RASSF3: variants seen among roughly 807,000 people sequenced by gnomAD.
RASSF3 encodes Ras association domain family member 3.
In RASSF3, 19 loss-of-function variants were observed where a neutral mutation model predicts 19.9. That is an observed-to-expected ratio of 0.96 (90% confidence interval 0.67 to 1.40). The LOEUF (loss-of-function observed/expected upper bound fraction) is 1.40. RASSF3 is among the 40% of genes most tolerant of loss of function. The pLI, the probability that RASSF3 is intolerant of heterozygous loss-of-function variation, is 0.00. For missense variants in RASSF3, 306 were observed against 289.8 expected, an observed-to-expected ratio of 1.06 and a Z score of -0.41; for synonymous variants, 110 against 104.2, an observed-to-expected ratio of 1.06 and a Z score of -0.34.
At chr12:64,509,775 C>T (rs1445880215) in intron 1 of RASSF3, among the ~76,000 whole-genome samples, 1 of 152,064 alleles carries the variant, frequency 6.6e-6, no homozygotes, top group East Asian at 1.9e-4. Flanking sequence ...TTTACTTATA[C>T]ACAATATTAT....
chr12:64,694,375 A>G (rs73119794), intron 4 of RASSF3, among the ~76,000 whole-genome samples: 5,348 of 152,282 alleles, frequency 0.035, 138 homozygotes, highest in Non-Finnish European at 0.052. Flanking sequence ...GATAAGACTG[A>G]TTATGCGAGG....
At chr12:64,583,873 T>G (rs776203426) in intron 2 of RASSF3, among the ~76,000 whole-genome samples, 3 of 152,238 alleles carry the variant, frequency 2.0e-5, no homozygotes, top group Non-Finnish European at 4.4e-5. Context: ...GTGACAAATA[T>G]GTTCGGTTTA....
intron 2 of RASSF3, among the ~76,000 whole-genome samples, chr12:64,687,856 A>G (rs1275724069): frequency 1.3e-5 from 2 of 152,068 alleles, no homozygotes; most frequent in Non-Finnish European, 2.9e-5. Context: ...CCAAGCTTTA[A>G]TAAGTTTTGT....
chr12:64,522,339 A>G (rs1477059491), intron 1 of RASSF3, among the ~76,000 whole-genome samples: 1 of 152,110 alleles, frequency 6.6e-6, no homozygotes, highest in Non-Finnish European at 1.5e-5. Flanking sequence ...TTTTCCTCCC[A>G]GCTCCTGCTG....
At chr12:64,619,135 C>T (rs1870654812) in intron 1 of RASSF3, among the ~76,000 whole-genome samples, 1 of 151,748 alleles carries the variant, frequency 6.6e-6, no homozygotes, top group South Asian at 2.1e-4. Flanking sequence ...CAGCCCTTGC[C>T]AGAGGTTTGA....
intron 2 of RASSF3, among the ~76,000 whole-genome samples, chr12:64,549,032 T>C (rs2136119921): frequency 6.6e-6 from 1 of 152,234 alleles, no homozygotes; most frequent in South Asian, 2.1e-4. Flanking sequence ...AAGGTCTGAG[T>C]GAACTCCCAG....
intron 1 of RASSF3, among the ~76,000 whole-genome samples, chr12:64,651,710 T>C (rs1291147722): frequency 6.6e-6 from 1 of 152,096 alleles, no homozygotes; most frequent in Non-Finnish European, 1.5e-5. Context: ...TTACCCAGGA[T>C]GGAGTGCAGG....
intron 1 of RASSF3, among the ~76,000 whole-genome samples, chr12:64,669,890 CAAAAAAA>C (rs35671310): frequency 9.4e-6 from 1 of 106,700 alleles, no homozygotes; most frequent in Admixed American, 1.0e-4. Context: ...TGTAAATTAC[CAAAAAAA>C]AAAAAAAAAA....
chr12:64,602,478 G>A (rs1397330078), intron 2 of RASSF3, among the ~76,000 whole-genome samples: 8 of 151,698 alleles, frequency 5.3e-5, no homozygotes, highest in African/African-American at 1.9e-4. Context: ...CTACTCTGGA[G>A]GCTGAGACAG....
downstream of RASSF3, among the ~76,000 whole-genome samples, chr12:64,544,581 G>GC (rs369124029): frequency 6.6e-6 from 1 of 151,518 alleles, no homozygotes; most frequent in Non-Finnish European, 1.5e-5. Flanking sequence ...CCGCACCACT[G>GC]CCCTTAAGCC....
At chr12:64,605,970 G>C (rs1870185088), upstream of RASSF3, among the ~76,000 whole-genome samples, 1 of 151,770 alleles carries the variant, frequency 6.6e-6, no homozygotes, top group Non-Finnish European at 1.5e-5. Flanking sequence ...TGTCAAACCT[G>C]GTTAATCAAA....
At chr12:64,530,291 T>TATTCCAGTGCACAACA (rs1868679520), upstream of RASSF3, among the ~76,000 whole-genome samples, 1 of 148,018 alleles carries the variant, frequency 6.8e-6, no homozygotes, top group African/African-American at 2.5e-5. Flanking sequence ...TGCTGAATAG[T>TATTCCAGTGCACAACA]ATTCCAGTGC....
At chr12:64,646,140 T>G (rs972003472) in intron 1 of RASSF3, among the ~76,000 whole-genome samples, 2 of 152,206 alleles carry the variant, frequency 1.3e-5, no homozygotes, top group African/African-American at 4.8e-5. Context: ...TGATGAACAT[T>G]TGGATTGTCA....
Position 64,675,045 on chromosome 12 carries a change from G to GCC in RASSF3, c.112-9729_112-9728dup, listed in dbSNP as rs1226885486. ...AGAAGTTGTCTAAAATACCCACCTA[G>GCC]CCCCCCCCCCCCCCGCCACCCCGGC... On this transcript the variant is annotated intron_variant, in intron 1 of 4. Transcript: ENST00000542104. Among the ~76,000 whole-genome samples the GCC allele has an allele frequency of 4.8e-3, 274 of 57,268 alleles. 5 individuals carry two copies. Among genetic ancestry groups the GCC allele is most frequent in the Middle Eastern group, 7.9e-3 (1 of 126 alleles). The allele number at this position is 57,268 out of a possible 152,430, so 37.6% of individuals were successfully genotyped here. A position where few individuals can be genotyped will look rare whatever the true frequency, so the allele number is the denominator to read the frequency against.
At chr12:64,684,685 C>T in intron 1 of RASSF3, 102 bp from the exon 2 acceptor site, 1 of 726,688 alleles carries the variant, frequency 1.4e-6, no homozygotes, top group Admixed American at 2.1e-5. Context: ...CCCACCTCAG[C>T]CTCCCAAAGT....
chr12:64,686,439 T>C (rs1177265653), intron 2 of RASSF3, among the ~76,000 whole-genome samples: 3 of 152,118 alleles, frequency 2.0e-5, no homozygotes, highest in African/African-American at 7.2e-5. Flanking sequence ...AGTGAAACCC[T>C]GTCTCTACTA....
intron 2 of RASSF3, among the ~76,000 whole-genome samples, chr12:64,555,232 ACT>A (rs1457917828): frequency 1.3e-5 from 2 of 151,058 alleles, no homozygotes; most frequent in Non-Finnish European, 1.5e-5. Context: ...ACAGAGTCAG[ACT>A]CTGTCAAAAA....
chr12:64,550,213 C>T (rs895687462), intron 2 of RASSF3, among the ~76,000 whole-genome samples: 5 of 151,220 alleles, frequency 3.3e-5, no homozygotes, highest in African/African-American at 7.3e-5. Context: ...AAGAAGAATG[C>T]GTTTTATTTT....
At chr12:64,626,747 T>A (rs990020929) in intron 1 of RASSF3, among the ~76,000 whole-genome samples, 3 of 152,076 alleles carry the variant, frequency 2.0e-5, no homozygotes, top group Non-Finnish European at 4.4e-5. Flanking sequence ...AATGTTTTTG[T>A]AGAAATGGGG....
Sources: allele counts gnomAD v4.1 joint callset (sites outside exome capture counted in the v4.1 genomes callset), GRCh38; gene constraint gnomAD v4.1.1; transcripts MANE v1.5; gene names NCBI Gene and HGNC (gene_info 2026-07-23, HGNC 2026-07-21).